The following ZFP14 variants were observed in gnomAD, a reference collection of about 807,000 sequenced individuals.
ZFP14 encodes ZFP14 zinc finger protein.
A neutral mutation model predicts 54.5 loss-of-function variants in ZFP14; 22 were observed. The observed-to-expected ratio is 0.40, with a 90% CI of 0.29 to 0.58. The LOEUF (loss-of-function observed/expected upper bound fraction) is 0.58, where lower values mean the gene tolerates loss of function less well. ZFP14 is among the 20% of genes least tolerant of loss of function. The probability of loss-of-function intolerance (pLI) is 0.39; values close to 1 mark genes in which losing one functional copy is unlikely to be tolerated. For missense variants in ZFP14, 470 were observed against 637.8 expected (o/e 0.74, Z 2.83); for synonymous variants, 159 against 204.0 (o/e 0.78, Z 1.88).
intron 4 of ZFP14, among the ~76,000 whole-genome samples, chr19:36,354,340 C>G (rs1330290999): frequency 8.1e-6 from 1 of 123,652 alleles, no homozygotes; most frequent in East Asian, 2.4e-4. Flanking sequence ...AACTGCACTC[C>G]AGGCTGGGCG....
chr19:36,367,929 A>G lies in ZFP14; in HGVS notation c.-37T>C, dbSNP rs2031820619. ...TGCAAAAACTGGTCAGTCCTTTTCA[A>G]GATTTCTCTGTTGGAGAACTATGGA... On this transcript the variant is annotated 5_prime_UTR_variant, in exon 2 of 5. Coordinates refer to ENST00000270001, the MANE Select transcript of ZFP14 (RefSeq NM_020917.3). 1.9e-6 allele frequency: 3 copies of G among 1,603,096 alleles called. No individual in the cohort carries two copies. The highest frequency in any genetic ancestry group is 2.6e-6 in the Non-Finnish European group (3 of 1,174,084).
chr19:36,369,182 T>C (rs370907954), intron 1 of ZFP14, among the ~76,000 whole-genome samples: 9 of 152,046 alleles, frequency 5.9e-5, no homozygotes, highest in African/African-American at 1.9e-4. Context: ...CAGAAGGGAT[T>C]CATGATTCCT....
rs1291621084 is a variant in ZFP14 at position 36,337,249 on chromosome 19, A to G, written c.*2975T>C. The stretch of plus-strand genomic sequence containing the variant: ...TGTTAATGGTTGCCCTTCCCCTTGT[A>G]TTTTCATGCTACCTGTTAGTTGAAG... On this transcript the variant is annotated 3_prime_UTR_variant, in exon 5 of 5. Coordinates refer to ENST00000270001, the MANE Select transcript of ZFP14 (RefSeq NM_020917.3). The G allele has an allele frequency of 6.6e-6, 1 of 152,056 alleles. No individual in the cohort carries two copies. The highest frequency in any genetic ancestry group is 2.4e-5 in the African/African-American group (1 of 41,398). 9.4% of individuals were successfully genotyped at this position (152,056 alleles called of 1,614,324 possible). A position where few individuals can be genotyped will look rare whatever the true frequency, so the allele number is the denominator to read the frequency against.
At position 36,362,241 on chromosome 19, in the gene ZFP14, G is replaced by GA. The variant is rs2031722830; in HGVS notation, c.10-4dup. On this transcript the variant is annotated splice_polypyrimidine_tract_variant and splice_region_variant and intron_variant, in intron 2 of 4. Coordinates refer to ENST00000270001, the MANE Select transcript of ZFP14 (RefSeq NM_020917.3). ...ACATCCCTGAATGTCACTGAACCCT[G>GA]AAAAAACAAACTCAGGTATTACTTG... 5.1e-6 allele frequency: 8 copies of GA among 1,580,032 alleles called. No homozygotes were observed. The African/African-American group carries it at 5.5e-5, about 11-fold the overall frequency.
chr19:36,338,475 C>T lies in ZFP14; in HGVS notation c.*1749G>A, dbSNP rs1299283003. ...CCAAGGAGGGAGGATCACTTGAGCC[C>T]AGAAGTTCAAGACCAGCCTGGGCAA... On this transcript the variant is annotated 3_prime_UTR_variant, in exon 5 of 5. Coordinates refer to ENST00000270001, the MANE Select transcript of ZFP14 (RefSeq NM_020917.3). 6.6e-6 allele frequency: 1 copy of T among 151,240 alleles called. No homozygotes were observed. The highest frequency in any genetic ancestry group is 1.5e-5 in the Non-Finnish European group (1 of 67,944). 9.4% of individuals were successfully genotyped at this position (151,240 alleles called of 1,614,324 possible). A position where few individuals can be genotyped will look rare whatever the true frequency, so the allele number is the denominator to read the frequency against.
intron 4 of ZFP14, among the ~76,000 whole-genome samples, chr19:36,359,192 TTC>T (rs1276884911): frequency 6.6e-6 from 1 of 152,224 alleles, no homozygotes; most frequent in Non-Finnish European, 1.5e-5. Context: ...CTTTCATTTT[TTC>T]TGTTAATATG....
intron 4 of ZFP14, among the ~76,000 whole-genome samples, chr19:36,356,850 T>C (rs1388238060): frequency 6.6e-6 from 1 of 152,138 alleles, no homozygotes; most frequent in East Asian, 1.9e-4. Context: ...ATGGTATTGG[T>C]GTGCCTTTCA....
chr19:36,365,569 A>G (rs1490685456), intron 2 of ZFP14, among the ~76,000 whole-genome samples: 1 of 152,108 alleles, frequency 6.6e-6, no homozygotes, highest in African/African-American at 2.4e-5. Flanking sequence ...AGTTATACAC[A>G]TTTCAAAACA....
Position 36,336,238 on chromosome 19 carries a change from C to CTTTTTTTTTTTTTT in ZFP14, c.*3972_*3985dup. On this transcript the variant is annotated 3_prime_UTR_variant, in exon 5 of 5. Transcript: ENST00000270001. The stretch of plus-strand genomic sequence containing the variant: ...ACTTTCTACTGTTACTTGGCTGTTC[C>CTTTTTTTTTTTTTT]TTTTTTTTTTTTTTTTTTTTTGACA... The CTTTTTTTTTTTTTT allele has an allele frequency of 9.7e-6, 1 of 103,474 alleles. No homozygotes were observed. The highest frequency in any genetic ancestry group is 1.8e-5 in the Non-Finnish European group (1 of 54,582). The allele number at this position is 103,474 out of a possible 1,614,324, so 6.4% of individuals were successfully genotyped here.
chr19:36,362,282 T>C (rs776754418), intron 2 of ZFP14, 44 bp from the exon 3 acceptor site: 1 of 1,562,928 alleles, frequency 6.4e-7, no homozygotes, highest in Non-Finnish European at 8.6e-7. Context: ...ATAAATTAAA[T>C]ACTTTTAAAA....
intron 2 of ZFP14, among the ~76,000 whole-genome samples, chr19:36,366,880 G>A (rs1432387955): frequency 2.0e-5 from 3 of 152,128 alleles, no homozygotes; most frequent in Non-Finnish European, 2.9e-5. Context: ...GTGGCCAGGT[G>A]CAGTGGCTCA....
In ZFP14 at chr19:36,354,620, T is replaced by A. The variant is rs549561393; in HGVS notation, c.235+5815A>T. Among the ~76,000 whole-genome samples, 5 of 142,340 alleles carry A rather than the reference T, an allele frequency of 3.5e-5. 1 individual carries two copies. Among genetic ancestry groups the A allele is most frequent in the African/African-American group, 1.3e-4 (5 of 38,930 alleles). 93.4% of individuals were successfully genotyped at this position (142,340 alleles called of 152,430 possible). A position where few individuals can be genotyped will look rare whatever the true frequency, so the allele number is the denominator to read the frequency against. On this transcript the variant is annotated intron_variant, in intron 4 of 4. Coordinates refer to ENST00000270001, the MANE Select transcript of ZFP14 (RefSeq NM_020917.3). The stretch of plus-strand genomic sequence containing the variant: ...GATATTCATATGGCCTGGGCTCTTT[T>A]TTCATGTCACTATTCAAGTATCACC...
Position 36,340,418 on chromosome 19 carries a change from G to A in ZFP14, c.1408C>T (p.His470Tyr). The part of the protein sequence containing the change: ...PFRLLSQLTQ[H>Y]QSIHTGEKPY... ...TTCTCACCAGTGTGAATACTCTGAT[G>A]TTGGGTAAGTTGTGAGAGCAGTCTA... The change falls in exon 5 of 5, where the codon CAT becomes TAT. Residue 470 changes from histidine to tyrosine, a missense_variant. His to Tyr is a moderately conservative substitution (Grantham distance 83). Transcript: ENST00000270001. The surrounding 1 kb of genome is among the most constrained non-coding windows in gnomAD (Gnocchi z 5.4). 1.2e-6 allele frequency: 2 copies of A among 1,614,168 alleles called. No individual in the cohort carries two copies. Among genetic ancestry groups the A allele is most frequent in the Non-Finnish European group, 1.7e-6 (2 of 1,180,032 alleles).
intron 1 of ZFP14, among the ~76,000 whole-genome samples, chr19:36,377,559 A>AAG (rs2145567604): frequency 6.6e-6 from 1 of 151,636 alleles, no homozygotes; most frequent in African/African-American, 2.4e-5. Flanking sequence ...AAAAAAAAAA[A>AAG]AAACTTAAGT....
At chr19:36,352,279 T>A (rs1485428550) in intron 4 of ZFP14, among the ~76,000 whole-genome samples, 1 of 143,092 alleles carries the variant, frequency 7.0e-6, no homozygotes, top group Non-Finnish European at 1.5e-5. Flanking sequence ...AATGTACTTG[T>A]TATTGTCTAA....
chr19:36,378,938 T>A (rs1272006080), intron 1 of ZFP14: 2 of 152,282 alleles, frequency 1.3e-5, no homozygotes, highest in East Asian at 1.9e-4. Flanking sequence ...GTCTTTTTGT[T>A]TGGGGGCCTT....
intron 4 of ZFP14, among the ~76,000 whole-genome samples, chr19:36,344,194 G>A (rs138494790): frequency 0.026 from 3,917 of 152,052 alleles, 152 homozygotes; most frequent in African/African-American, 0.09. Context: ...TAGTAGAGAC[G>A]GGGTTTCACC....
At chr19:36,365,204 T>C (rs2031775890) in intron 2 of ZFP14, among the ~76,000 whole-genome samples, 1 of 152,060 alleles carries the variant, frequency 6.6e-6, no homozygotes, top group African/African-American at 2.4e-5. Context: ...TAATGAGTTA[T>C]ATGTCAATTC....
At chr19:36,372,712 G>A (rs1179729675) in intron 1 of ZFP14, among the ~76,000 whole-genome samples, 1 of 152,168 alleles carries the variant, frequency 6.6e-6, no homozygotes. Flanking sequence ...ATATCCAAAG[G>A]AAATGAAATC....
Sources: gnomAD v4.1 joint callset for allele counts (sites outside exome capture counted in the v4.1 genomes callset) on GRCh38, gnomAD v4.1.1 for gene constraint, Gnocchi (gnomAD v3.1) non-coding constraint, MANE v1.5 for transcripts, NCBI Gene and HGNC (gene_info 2026-07-23, HGNC 2026-07-21) for gene names.